The following NTM variants were observed in gnomAD, a reference collection of about 807,000 sequenced individuals.
NTM encodes the protein IgLON family member 2.
In NTM, 13 loss-of-function variants were observed where a neutral mutation model predicts 42.1. That is an observed-to-expected ratio of 0.31 (90% CI 0.20 to 0.49). The LOEUF (loss-of-function observed/expected upper bound fraction) is 0.49. Ranked by LOEUF, NTM falls within the 20% of genes least tolerant of loss-of-function variation. NTM has a pLI of 0.99. For synonymous variants in NTM, 187 were observed against 179.2 expected (o/e 1.04, Z -0.35); for missense variants, 373 against 452.8 (o/e 0.82, Z 1.60).
chr11:131,664,649 T>G (rs2068680230), intron 1 of NTM, among the ~76,000 whole-genome samples: 1 of 152,084 alleles, frequency 6.6e-6, no homozygotes, highest in African/African-American at 2.4e-5. Flanking sequence ...TTTGATAATT[T>G]TAGTAAAATA....
intron 2 of NTM, among the ~76,000 whole-genome samples, chr11:132,014,486 C>T (rs748711472): frequency 2.6e-5 from 4 of 151,832 alleles, no homozygotes; most frequent in East Asian, 1.9e-4. Flanking sequence ...CCATAGTGGT[C>T]GTACTAATTT....
intron 1 of NTM, among the ~76,000 whole-genome samples, chr11:131,529,296 A>G (rs964353340): frequency 6.6e-6 from 1 of 152,210 alleles, no homozygotes; most frequent in Non-Finnish European, 1.5e-5. Context: ...CATGTAAAAG[A>G]TAGACTCTTA....
At chr11:131,572,541 G>C (rs1592090252) in intron 1 of NTM, among the ~76,000 whole-genome samples, 1 of 152,032 alleles carries the variant, frequency 6.6e-6, no homozygotes, top group Non-Finnish European at 1.5e-5. Context: ...ACAAATTTCA[G>C]CTGCCACTAA....
chr11:131,703,614 C>A (rs928192003), intron 1 of NTM, among the ~76,000 whole-genome samples: 5 of 152,294 alleles, frequency 3.3e-5, no homozygotes, highest in African/African-American at 1.2e-4. Context: ...GAACAATGCA[C>A]ACACAAAAAC....
At chr11:131,922,774 T>C (rs1252858435) in intron 2 of NTM, among the ~76,000 whole-genome samples, 2 of 152,160 alleles carry the variant, frequency 1.3e-5, no homozygotes, top group African/African-American at 4.8e-5. Context: ...ATTACCTGAC[T>C]CTGTTCAAAA....
intron 3 of NTM, among the ~76,000 whole-genome samples, chr11:132,155,217 A>T (rs1212652050): frequency 6.6e-6 from 1 of 152,154 alleles, no homozygotes; most frequent in Non-Finnish European, 1.5e-5. Context: ...TGGAAAAATG[A>T]TCTCCTTGTT....
chr11:132,250,607 TTC>T (rs916758508), intron 4 of NTM, among the ~76,000 whole-genome samples: 2 of 152,122 alleles, frequency 1.3e-5, no homozygotes, highest in African/African-American at 4.8e-5. Context: ...TTTTTTTTTT[TTC>T]GTTACTTAAC....
At chr11:131,590,258 G>A (rs1392170382) in intron 1 of NTM, among the ~76,000 whole-genome samples, 2 of 152,188 alleles carry the variant, frequency 1.3e-5, no homozygotes, top group African/African-American at 4.8e-5. Flanking sequence ...GGGGGCTTGT[G>A]TCATCATTCA....
intron 2 of NTM, among the ~76,000 whole-genome samples, chr11:131,935,994 G>A (rs891395737): frequency 6.6e-5 from 10 of 151,234 alleles, no homozygotes; most frequent in African/African-American, 1.2e-4. Flanking sequence ...GATAAAAAGA[G>A]GGGAATCATG....
At chr11:131,966,080 G>C (rs938438160) in intron 2 of NTM, among the ~76,000 whole-genome samples, 1 of 151,934 alleles carries the variant, frequency 6.6e-6, no homozygotes, top group African/African-American at 2.4e-5. Context: ...AACACTCGAG[G>C]GTGAGTTAAT....
At chr11:132,041,027 T>C (rs2077107064) in intron 2 of NTM, among the ~76,000 whole-genome samples, 2 of 152,202 alleles carry the variant, frequency 1.3e-5, no homozygotes, top group South Asian at 4.1e-4. Context: ...TCCAGTAAAT[T>C]TTAGTTTTGT....
chr11:131,529,233 G>T (rs2050911565), intron 1 of NTM, among the ~76,000 whole-genome samples: 1 of 152,218 alleles, frequency 6.6e-6, no homozygotes, highest in Admixed American at 6.5e-5. Context: ...ATAAGGGCTG[G>T]TCCCCAGATA....
intron 1 of NTM, among the ~76,000 whole-genome samples, chr11:131,752,536 T>G (rs1177307295): frequency 6.6e-6 from 1 of 152,224 alleles, no homozygotes; most frequent in Non-Finnish European, 1.5e-5. Context: ...ATCCCATTAC[T>G]GGGTATATAC....
intron 3 of NTM, among the ~76,000 whole-genome samples, chr11:132,170,078 C>T (rs2137819147): frequency 6.6e-6 from 1 of 152,284 alleles, no homozygotes. Flanking sequence ...CCTTCAGATG[C>T]TGTGAGCCAA....
At position 131,598,754 on chromosome 11, in the gene NTM, T is replaced by C. The variant is rs11222710; in HGVS notation, c.82+227866T>C. On this transcript the variant is annotated intron_variant, in intron 1 of 8. Transcript: ENST00000683400. ...TTCTTTCTTTCTTTCTTTCTTTCTTTCTTCTTTCTTTTTTTCTTTCTTTCT... is the reference window on the plus strand; with the variant it reads ...TTCTTTCTTTCTTTCTTTCTTTCTTCCTTCTTTCTTTTTTTCTTTCTTTCT... Among the ~76,000 whole-genome samples, 89 of 53,882 alleles carry C rather than the reference T, an allele frequency of 1.7e-3. 3 individuals are homozygous for C. Among genetic ancestry groups the C allele is most frequent in the African/African-American group, 5.3e-3 (81 of 15,412 alleles). The allele number at this position is 53,882 out of a possible 152,430, so 35.3% of individuals were successfully genotyped here.
chr11:131,964,619 G>T (rs999382261), intron 2 of NTM, among the ~76,000 whole-genome samples: 1 of 152,274 alleles, frequency 6.6e-6, no homozygotes, highest in South Asian at 2.1e-4. Flanking sequence ...GATATGAATA[G>T]CTTCTTTGAT....
chr11:131,633,707 T>C (rs55851772), intron 1 of NTM, among the ~76,000 whole-genome samples: 2,271 of 15,496 alleles, frequency 0.15, 1 homozygote, highest in Non-Finnish European at 0.18. Context: ...CCCTCTCTCC[T>C]TCTCTCCCTC....
intron 3 of NTM, among the ~76,000 whole-genome samples, chr11:132,180,138 A>G (rs1328784711): frequency 1.3e-5 from 2 of 152,208 alleles, no homozygotes; most frequent in Non-Finnish European, 2.9e-5. Context: ...GATTCATTCA[A>G]TATGGGACTT....
intron 3 of NTM, among the ~76,000 whole-genome samples, chr11:132,161,496 G>T (rs991140891): frequency 2.0e-5 from 3 of 148,038 alleles, no homozygotes; most frequent in Non-Finnish European, 3.0e-5. Flanking sequence ...TCTTAGGCAC[G>T]CTCTATCTGA....
Sources: gnomAD v4.1 joint callset for allele counts (sites outside exome capture counted in the v4.1 genomes callset) on GRCh38, gnomAD v4.1.1 for gene constraint, MANE v1.5 for transcripts, NCBI Gene and HGNC (gene_info 2026-07-23, HGNC 2026-07-21) for gene names.